Variants in IFT56 observed in about 807,000 individuals in gnomAD.
IFT56 encodes intraflagellar transport 56, also known as intraflagellar transport protein 56.
chr7:139,148,063 A>C, the IFT56 span: 1 of 656,966 alleles, frequency 1.5e-6, no homozygotes, highest in Non-Finnish European at 2.5e-6. Context: ...AAAAGAAAAA[A>C]ATTATACTGA....
At chr7:139,181,627 A>G in the IFT56 span, among the ~76,000 whole-genome samples, 1 of 152,170 alleles carries the variant, frequency 6.6e-6, no homozygotes, top group African/African-American at 2.4e-5. Context: ...TGATTTTGTC[A>G]TTGTACAAAC....
the IFT56 span, chr7:139,147,199 G>A: frequency 6.2e-7 from 1 of 1,613,488 alleles, no homozygotes; most frequent in African/African-American, 1.3e-5. Flanking sequence ...GGATGTCACA[G>A]AAGATCAACT....
the IFT56 span, among the ~76,000 whole-genome samples, chr7:139,176,367 AT>A: frequency 2.6e-5 from 4 of 152,286 alleles, no homozygotes; most frequent in Admixed American, 2.0e-4. Context: ...ATTAAAAAAA[AT>A]AAAGTAGATT....
the IFT56 span, chr7:139,178,635 A>T: frequency 2.7e-5 from 42 of 1,530,164 alleles, no homozygotes; most frequent in South Asian, 3.6e-4. Flanking sequence ...GAATGATTCT[A>T]TCTAAAAACA....
the IFT56 span, chr7:139,191,142 T>TAAAAGGG: frequency 3.9e-5 from 6 of 152,238 alleles, no homozygotes; most frequent in African/African-American, 1.4e-4. Flanking sequence ...TTTCTGTCTT[T>TAAAAGGG]TATCTTTAGA....
the IFT56 span, chr7:139,178,363 G>A: frequency 2.0e-6 from 3 of 1,503,522 alleles, no homozygotes; most frequent in Non-Finnish European, 2.8e-6. Flanking sequence ...TGTCAGAGAA[G>A]ATAAGATACC....
the IFT56 span, among the ~76,000 whole-genome samples, chr7:139,166,303 G>A: frequency 6.6e-6 from 1 of 152,016 alleles, no homozygotes; most frequent in Admixed American, 6.6e-5. Flanking sequence ...GGACAAGAAT[G>A]AAATAAACAG....
At chr7:139,176,901 C>A in the IFT56 span, among the ~76,000 whole-genome samples, 1 of 151,952 alleles carries the variant, frequency 6.6e-6, no homozygotes, top group Non-Finnish European at 1.5e-5. Flanking sequence ...TGGCCAGGTG[C>A]GGTGGTTCAC....
the IFT56 span, chr7:139,147,045 C>T: frequency 2.6e-6 from 4 of 1,562,562 alleles, no homozygotes; most frequent in South Asian, 2.3e-5. Flanking sequence ...GACACAATGG[C>T]TAAAGAAGGA....
At chr7:139,138,270 G>A in the IFT56 span, among the ~76,000 whole-genome samples, 1 of 152,172 alleles carries the variant, frequency 6.6e-6, no homozygotes, top group African/African-American at 2.4e-5. Flanking sequence ...GATATTTTCA[G>A]AGAGACAGAG....
the IFT56 span, among the ~76,000 whole-genome samples, chr7:139,140,185 T>C: frequency 6.6e-6 from 1 of 152,092 alleles, no homozygotes. Flanking sequence ...AAGAGAGAGT[T>C]AGTGCTACAC....
chr7:139,172,840 A>G, the IFT56 span: 1 of 673,970 alleles, frequency 1.5e-6, no homozygotes, highest in Admixed American at 1.8e-5. Context: ...GCCAGCGAAC[A>G]CTGTACTTCC....
the IFT56 span, among the ~76,000 whole-genome samples, chr7:139,165,644 G>A: frequency 1.4e-4 from 22 of 151,762 alleles, no homozygotes; most frequent in African/African-American, 5.3e-4. Flanking sequence ...CTGCCTTTCC[G>A]TTTCTTTGTA....
the IFT56 span, chr7:139,172,998 T>C: frequency 1.4e-6 from 1 of 726,350 alleles, no homozygotes; most frequent in Non-Finnish European, 2.6e-6. Flanking sequence ...TGTCAGAAAG[T>C]CTGTCACAGT....
At chr7:139,139,146 T>C in the IFT56 span, among the ~76,000 whole-genome samples, 1 of 152,174 alleles carries the variant, frequency 6.6e-6, no homozygotes, top group African/African-American at 2.4e-5. Flanking sequence ...CAAGATGTAA[T>C]CTAAGCAAAT....
the IFT56 span, chr7:139,172,738 G>T: frequency 1.6e-6 from 1 of 630,410 alleles, no homozygotes; most frequent in Non-Finnish European, 3.1e-6. Flanking sequence ...AAATGTAAGA[G>T]GGTGGAAGCG....
the IFT56 span, among the ~76,000 whole-genome samples, chr7:139,156,463 A>G: frequency 8.6e-5 from 13 of 152,044 alleles, no homozygotes; most frequent in African/African-American, 3.1e-4. Flanking sequence ...ATTTACAACT[A>G]TAAAATTTCC....
the IFT56 span, chr7:139,172,535 T>C: frequency 2.0e-6 from 1 of 502,260 alleles, no homozygotes; most frequent in South Asian, 1.6e-5. Flanking sequence ...CCGGAGATTC[T>C]TGCTGCTGTA....
the IFT56 span, among the ~76,000 whole-genome samples, chr7:139,184,946 C>T: frequency 1.3e-5 from 2 of 151,218 alleles, no homozygotes; most frequent in African/African-American, 2.4e-5. Context: ...CCCAGCTACT[C>T]AGGAGGCTGA....
Sources: gnomAD v4.1 joint callset for allele counts (sites outside exome capture counted in the v4.1 genomes callset) on GRCh38, gnomAD v4.1.1 for gene constraint, MANE v1.5 for transcripts, NCBI Gene and HGNC (gene_info 2026-07-23, HGNC 2026-07-21) for gene names.